RBMS1: variants seen among roughly 807,000 people sequenced by gnomAD.
RBMS1 encodes RNA binding motif single stranded interacting protein 1, also known as RNA-binding motif, single-stranded-interacting protein 1.
In RBMS1, 17 loss-of-function variants were observed where a neutral mutation model predicts 62.3. The observed-to-expected ratio is 0.27, with a 90% confidence interval of 0.19 to 0.41. The LOEUF is 0.41. Among genes scored for constraint, RBMS1 ranks in the 10% least tolerant of loss-of-function variants. RBMS1 has a pLI of 1.00. For synonymous variants in RBMS1, 172 were observed against 170.0 expected (o/e 1.01, Z -0.09); for missense variants, 334 against 504.5 (o/e 0.66, Z 3.24).
chr2:160,424,377 G>GGGA (rs1553522140), intron 1 of RBMS1, among the ~76,000 whole-genome samples: 4 of 147,262 alleles, frequency 2.7e-5, no homozygotes, highest in South Asian at 2.2e-4. Flanking sequence ...GGGGGGGGGG[G>GGGA]AAACAAAAAG....
intron 6 of RBMS1, among the ~76,000 whole-genome samples, chr2:160,293,254 C>T (rs1320956632): frequency 6.6e-6 from 1 of 152,118 alleles, no homozygotes; most frequent in Non-Finnish European, 1.5e-5. Flanking sequence ...ATAATTTTCC[C>T]TCTAAACATT....
chr2:160,351,112 T>C (rs1184571111), intron 2 of RBMS1, among the ~76,000 whole-genome samples: 2 of 137,330 alleles, frequency 1.5e-5, no homozygotes, highest in Non-Finnish European at 3.0e-5. Flanking sequence ...CACTCATAGG[T>C]GGGAACTGAA....
At chr2:160,490,663 T>G (rs1480554847) in intron 1 of RBMS1, among the ~76,000 whole-genome samples, 2 of 152,180 alleles carry the variant, frequency 1.3e-5, no homozygotes, top group Non-Finnish European at 2.9e-5. Context: ...AGAAGAATGG[T>G]TTGGCATATA....
intron 1 of RBMS1, among the ~76,000 whole-genome samples, chr2:160,485,407 C>T (rs1006720648): frequency 3.9e-5 from 6 of 152,162 alleles, no homozygotes; most frequent in African/African-American, 1.2e-4. Context: ...AAACTCACCC[C>T]TCTCTCCAAG....
At chr2:160,423,902 G>GA (rs1419842675) in intron 1 of RBMS1, among the ~76,000 whole-genome samples, 1 of 152,140 alleles carries the variant, frequency 6.6e-6, no homozygotes, top group Non-Finnish European at 1.5e-5. Flanking sequence ...CATTTCACTG[G>GA]AGGGTAAACT....
intron 8 of RBMS1, 30 bp from the exon 9 acceptor site, chr2:160,284,898 T>C (rs1406372285): frequency 1.9e-6 from 3 of 1,568,946 alleles, no homozygotes; most frequent in South Asian, 2.2e-5. Flanking sequence ...CTTTATTAAG[T>C]AATCCTTTAA....
chr2:160,469,459 T>G (rs1352377657), intron 1 of RBMS1, among the ~76,000 whole-genome samples: 2 of 152,146 alleles, frequency 1.3e-5, no homozygotes, highest in Non-Finnish European at 2.9e-5. Context: ...TGCAGGGCCT[T>G]GAGAGCTTCC....
intron 2 of RBMS1, among the ~76,000 whole-genome samples, chr2:160,330,621 T>G (rs1235276632): frequency 6.6e-6 from 1 of 151,928 alleles, no homozygotes; most frequent in African/African-American, 2.4e-5. Context: ...AAAATATGTT[T>G]TTTTTTTTTG....
chr2:160,407,819 G>A (rs1277551115), intron 1 of RBMS1: 1 of 981,320 alleles, frequency 1.0e-6, no homozygotes, highest in Non-Finnish European at 1.2e-6. Context: ...CGCGCGCGGA[G>A]CTGGCGGCGT....
intron 2 of RBMS1, among the ~76,000 whole-genome samples, chr2:160,332,429 A>C (rs1232692646): frequency 2.0e-5 from 3 of 152,118 alleles, no homozygotes; most frequent in Admixed American, 2.0e-4. Context: ...AATCCACATA[A>C]GAGAAAAAAA....
At chr2:160,407,023 G>C (rs1259887714) in intron 1 of RBMS1, among the ~76,000 whole-genome samples, 3 of 149,544 alleles carry the variant, frequency 2.0e-5, no homozygotes, top group East Asian at 4.1e-4. Flanking sequence ...GACACACACA[G>C]AGACACAGAC....
intron 1 of RBMS1, among the ~76,000 whole-genome samples, chr2:160,483,255 G>GA (rs1268895307): frequency 3.3e-5 from 5 of 151,880 alleles, no homozygotes; most frequent in Non-Finnish European, 5.9e-5. Flanking sequence ...TCAAAAAGTA[G>GA]AAAAAATGGT....
chr2:160,354,950 T>G (rs1692715048), intron 2 of RBMS1, among the ~76,000 whole-genome samples: 1 of 152,130 alleles, frequency 6.6e-6, no homozygotes, highest in Non-Finnish European at 1.5e-5. Context: ...TAATTCTAGA[T>G]ACACCATTTA....
chr2:160,328,146 C>T (rs75192551), intron 2 of RBMS1, among the ~76,000 whole-genome samples: 1,910 of 152,226 alleles, frequency 0.013, 58 homozygotes, highest in African/African-American at 0.043. Context: ...GCCTCAGGAT[C>T]CTCATCTGTA....
intron 1 of RBMS1, chr2:160,407,753 G>A: frequency 3.1e-6 from 3 of 981,302 alleles, no homozygotes; most frequent in Non-Finnish European, 3.6e-6. Flanking sequence ...GCGCGGCAGC[G>A]GGCGAGACTC....
At chr2:160,301,775 T>C (rs1194239601) in intron 5 of RBMS1, among the ~76,000 whole-genome samples, 1 of 152,248 alleles carries the variant, frequency 6.6e-6, no homozygotes, top group Admixed American at 6.5e-5. Context: ...CTTCATTATT[T>C]GGCAGTTAGG....
intron 10 of RBMS1, among the ~76,000 whole-genome samples, 183 bp downstream of exon 10, chr2:160,281,131 A>G (rs560597004): frequency 6.6e-6 from 1 of 152,334 alleles, no homozygotes; most frequent in East Asian, 1.9e-4. Context: ...ATGTAACTTA[A>G]TATCTTCTAC....
chr2:160,351,928 C>G (rs1692537622), intron 2 of RBMS1, among the ~76,000 whole-genome samples: 1 of 152,080 alleles, frequency 6.6e-6, no homozygotes, highest in South Asian at 2.1e-4. Flanking sequence ...AAGTTTGAGG[C>G]TGCTGGCAAA....
At chr2:160,473,131 T>C (rs1027773323) in intron 1 of RBMS1, among the ~76,000 whole-genome samples, 1 of 152,230 alleles carries the variant, frequency 6.6e-6, no homozygotes, top group Non-Finnish European at 1.5e-5. Flanking sequence ...TAGGATTGTA[T>C]ACATTGTTTG....
Sources: gnomAD v4.1 joint callset for allele counts (sites outside exome capture counted in the v4.1 genomes callset) on GRCh38, gnomAD v4.1.1 for gene constraint, MANE v1.5 for transcripts, NCBI Gene and HGNC (gene_info 2026-07-23, HGNC 2026-07-21) for gene names.